Variants in UST observed in about 807,000 individuals in gnomAD.
UST encodes uronyl 2-sulfotransferase.
In UST, 21 loss-of-function variants were observed where a neutral mutation model predicts 45.6. The ratio of observed to expected loss-of-function variants is 0.46; its 90% CI spans 0.33 to 0.66. The LOEUF (loss-of-function observed/expected upper bound fraction) is 0.66, where lower values mean the gene tolerates loss of function less well. Among genes scored for constraint, UST ranks in the 30% least tolerant of loss-of-function variants. UST has a pLI of 0.02. For synonymous variants in UST, 215 were observed against 200.6 expected (o/e 1.07, Z -0.61); for missense variants, 463 against 512.4 (o/e 0.90, Z 0.93).
chr6:148,760,354 G>A (rs188254554), intron 1 of UST, among the ~76,000 whole-genome samples: 39 of 152,246 alleles, frequency 2.6e-4, no homozygotes, highest in African/African-American at 8.9e-4. Context: ...GCCTCCTCCC[G>A]GTTGCCTGCT....
chr6:148,812,840 T>C (rs1400309711), intron 1 of UST, among the ~76,000 whole-genome samples: 3 of 152,216 alleles, frequency 2.0e-5, no homozygotes, highest in African/African-American at 7.2e-5. Context: ...TGTTCATGGG[T>C]GTGAATGGCA....
chr6:148,904,180 A>G (rs1252579684), intron 2 of UST, among the ~76,000 whole-genome samples: 3 of 152,222 alleles, frequency 2.0e-5, no homozygotes, highest in Admixed American at 2.0e-4. Flanking sequence ...AATAGACTCA[A>G]AGTGCCTCAA....
chr6:148,905,392 C>T (rs567821559), intron 2 of UST, among the ~76,000 whole-genome samples: 2 of 152,184 alleles, frequency 1.3e-5, no homozygotes, highest in Non-Finnish European at 2.9e-5. Context: ...TAGGCTCACA[C>T]CCTCATCTTG....
chr6:148,775,673 G>T (rs1055015355), intron 1 of UST, among the ~76,000 whole-genome samples: 2 of 151,716 alleles, frequency 1.3e-5, no homozygotes, highest in Non-Finnish European at 2.9e-5. Context: ...TATCCCCCAG[G>T]CTGGAGTGCA....
At chr6:148,944,858 A>T (rs1387504754) in intron 3 of UST, among the ~76,000 whole-genome samples, 2 of 152,142 alleles carry the variant, frequency 1.3e-5, no homozygotes, top group Non-Finnish European at 2.9e-5. Flanking sequence ...ATCTCTTGAA[A>T]AATGGAGATT....
intron 5 of UST, among the ~76,000 whole-genome samples, chr6:148,988,364 A>G (rs1350415562): frequency 6.6e-6 from 1 of 152,078 alleles, no homozygotes; most frequent in Non-Finnish European, 1.5e-5. Context: ...ACTTGAGGCC[A>G]GGAGTTTGAG....
intron 7 of UST, among the ~76,000 whole-genome samples, chr6:149,061,173 C>T (rs557980737): frequency 9.2e-5 from 14 of 152,100 alleles, no homozygotes; most frequent in Non-Finnish European, 1.8e-4. Flanking sequence ...GGTGCAGCAG[C>T]TGGGTTTATA....
intron 3 of UST, among the ~76,000 whole-genome samples, chr6:148,951,293 G>A (rs1018758190): frequency 6.6e-6 from 1 of 152,232 alleles, no homozygotes; most frequent in Admixed American, 6.5e-5. Flanking sequence ...AGAGATGGAT[G>A]AGGCTGGATA....
chr6:148,901,714 C>T (rs1281103757), intron 2 of UST, among the ~76,000 whole-genome samples: 3 of 152,048 alleles, frequency 2.0e-5, no homozygotes, highest in South Asian at 2.1e-4. Flanking sequence ...CCTGCCACCA[C>T]GCCCAGCTAA....
chr6:148,993,956 CTTTTTTTTTTTTTT>C (rs57552256), intron 5 of UST, among the ~76,000 whole-genome samples: 8 of 95,366 alleles, frequency 8.4e-5, no homozygotes, highest in African/African-American at 3.2e-4. Context: ...TATTTCTTTC[CTTTTTTTTTTTTTT>C]TTTTTTTTTT....
intron 2 of UST, among the ~76,000 whole-genome samples, chr6:148,903,476 T>G (rs1402974780): frequency 6.6e-6 from 1 of 152,202 alleles, no homozygotes; most frequent in Non-Finnish European, 1.5e-5. Flanking sequence ...ATTTTTAAAT[T>G]TTCTGAAAGC....
rs574364725 is a variant in UST at position 148,747,238 on chromosome 6, C to T, written c.-193C>T. The T allele has an allele frequency of 5.1e-4, 294 of 580,356 alleles. No homozygotes were observed. Among genetic ancestry groups the T allele is most frequent in the Non-Finnish European group, 7.1e-4 (284 of 397,280 alleles). 36.0% of individuals were successfully genotyped at this position (580,356 alleles called of 1,614,324 possible). On this transcript the variant is annotated 5_prime_UTR_variant, in exon 1 of 8. Transcript: ENST00000367463. ...ACCGGGGCCGGACACCTCGGCCGCT[C>T]GGGCCGCGGCGGCGGGGACCATGCC...
At chr6:148,942,030 AGAAGCTAT>A (rs1029363052) in intron 3 of UST, among the ~76,000 whole-genome samples, 26 of 152,096 alleles carry the variant, frequency 1.7e-4, no homozygotes, top group Non-Finnish European at 2.5e-4. Flanking sequence ...TCCTCTACCA[AGAAGCTAT>A]GAAGGTTTAC....
intron 1 of UST, among the ~76,000 whole-genome samples, chr6:148,833,398 G>A (rs1426192483): frequency 1.3e-5 from 2 of 152,124 alleles, no homozygotes; most frequent in African/African-American, 2.4e-5. Flanking sequence ...GAGTTGGGAG[G>A]ATCGCTTGAG....
chr6:148,782,783 C>T (rs969703094), intron 1 of UST, among the ~76,000 whole-genome samples: 7 of 152,222 alleles, frequency 4.6e-5, no homozygotes, highest in South Asian at 2.1e-4. Context: ...GCCAAAAAAG[C>T]GGCTTCTTGA....
chr6:148,984,024 TA>T (rs1322306864), intron 5 of UST, among the ~76,000 whole-genome samples: 1 of 152,214 alleles, frequency 6.6e-6, no homozygotes, highest in Non-Finnish European at 1.5e-5. Context: ...TAACTATAAA[TA>T]AACCCGGTGG....
intron 1 of UST, among the ~76,000 whole-genome samples, chr6:148,788,259 C>G (rs1210886228): frequency 6.6e-6 from 1 of 152,146 alleles, no homozygotes; most frequent in Non-Finnish European, 1.5e-5. Context: ...GTCCCTCCCA[C>G]AACACATGGG....
intron 7 of UST, among the ~76,000 whole-genome samples, chr6:149,064,714 C>G (rs1279603716): frequency 6.6e-6 from 1 of 152,078 alleles, no homozygotes; most frequent in Non-Finnish European, 1.5e-5. Context: ...AACAGCCAGT[C>G]AGGTAACATA....
At chr6:149,058,097 C>G (rs1256528086) in intron 7 of UST, among the ~76,000 whole-genome samples, 1 of 152,190 alleles carries the variant, frequency 6.6e-6, no homozygotes, top group African/African-American at 2.4e-5. Flanking sequence ...AGCTTATAAA[C>G]TTCCCAAGGG....
Sources: allele counts gnomAD v4.1 joint callset (sites outside exome capture counted in the v4.1 genomes callset), GRCh38; gene constraint gnomAD v4.1.1; transcripts MANE v1.5; gene names NCBI Gene and HGNC (gene_info 2026-07-23, HGNC 2026-07-21).